The following CDNF variants were observed in gnomAD, a reference collection of about 807,000 sequenced individuals.
CDNF encodes cerebral dopamine neurotrophic factor.
Under a neutral mutation model 14.8 loss-of-function variants are expected in CDNF, and 9 were observed. That is an observed-to-expected ratio of 0.61 (90% CI 0.37 to 1.06). CDNF has a LOEUF of 1.06. Ranked by LOEUF, CDNF falls within the 50% of genes least tolerant of loss-of-function variation. The pLI, the probability that CDNF is intolerant of heterozygous loss-of-function variation, is 0.01. For missense variants in CDNF, 228 were observed against 228.4 expected (o/e 1.00, Z 0.01); for synonymous variants, 86 against 87.2 (o/e 0.99, Z 0.07).
At chr10:14,828,843 TA>T (rs145985696) in intron 1 of CDNF, among the ~76,000 whole-genome samples, 9,584 of 146,054 alleles carry the variant, frequency 0.066, 456 homozygotes, top group South Asian at 0.22. Flanking sequence ...TTGTCTCTAC[TA>T]AAAAAAAAAC....
intron 1 of CDNF, among the ~76,000 whole-genome samples, chr10:14,836,090 C>T (rs1833883484): frequency 6.6e-6 from 1 of 152,108 alleles, no homozygotes; most frequent in Non-Finnish European, 1.5e-5. Flanking sequence ...GCTCAGGAAC[C>T]ATTCAGTTTT....
chr10:14,820,676 T>G (rs550421833), intron 3 of CDNF, among the ~76,000 whole-genome samples: 1 of 152,030 alleles, frequency 6.6e-6, no homozygotes, highest in South Asian at 2.1e-4. Context: ...GAGGTTGCAG[T>G]GAGCCGAGAT....
chr10:14,826,176 CAGCAGAAGCAGA>C (rs146743426), intron 2 of CDNF, among the ~76,000 whole-genome samples: 1 of 131,256 alleles, frequency 7.6e-6, no homozygotes, highest in African/African-American at 3.1e-5. Flanking sequence ...GCAGAAGCAG[CAGCAGAAGCAGA>C]AGCAGCAGAA....
intron 1 of CDNF, among the ~76,000 whole-genome samples, chr10:14,833,596 T>G (rs901751992): frequency 1.3e-5 from 2 of 152,108 alleles, no homozygotes; most frequent in African/African-American, 2.4e-5. Context: ...GAACCTTGAC[T>G]AATATAACAT....
chr10:14,828,386 C>A, intron 1 of CDNF, 114 bp from the exon 2 acceptor site: 2 of 944,768 alleles, frequency 2.1e-6, no homozygotes, highest in Non-Finnish European at 3.2e-6. Context: ...TGGTGGCTTA[C>A]CCCTGTAATC....
intron 3 of CDNF, among the ~76,000 whole-genome samples, chr10:14,823,642 C>T (rs946632799): frequency 2.0e-5 from 3 of 152,172 alleles, no homozygotes; most frequent in Admixed American, 6.5e-5. Flanking sequence ...ATCCTCCCAC[C>T]TCAGTCTCCT....
At chr10:14,832,839 CTT>C (rs1442092577) in intron 1 of CDNF, among the ~76,000 whole-genome samples, 1 of 126,644 alleles carries the variant, frequency 7.9e-6, no homozygotes, top group African/African-American at 2.9e-5. Context: ...GGAATCTAAT[CTT>C]TCTTTTTTTG....
intron 3 of CDNF, among the ~76,000 whole-genome samples, chr10:14,822,727 GAGT>G (rs773662482): frequency 5.9e-5 from 9 of 152,112 alleles, no homozygotes; most frequent in Non-Finnish European, 1.3e-4. Flanking sequence ...TTTTACCTCT[GAGT>G]AGTAGAACAC....
chr10:14,826,092 A>AAGAAGAAGC (rs1833783756), intron 2 of CDNF, among the ~76,000 whole-genome samples: 2 of 110,980 alleles, frequency 1.8e-5, no homozygotes, highest in African/African-American at 3.2e-5. Context: ...GAAGAAGAAG[A>AAGAAGAAGC]AGAAGCAGCA....
chr10:14,822,498 C>T (rs1043297826), intron 3 of CDNF, among the ~76,000 whole-genome samples: 6 of 152,006 alleles, frequency 3.9e-5, no homozygotes, highest in African/African-American at 1.5e-4. Context: ...ATCTCTTGAA[C>T]CCAGGAGGCT....
chr10:14,829,717 C>T (rs973137369), intron 1 of CDNF, among the ~76,000 whole-genome samples: 4 of 152,136 alleles, frequency 2.6e-5, no homozygotes, highest in Admixed American at 2.6e-4. Flanking sequence ...GCAACCTCTG[C>T]CTCCCTGGCT....
chr10:14,830,960 A>G (rs1833839364), intron 1 of CDNF, among the ~76,000 whole-genome samples: 1 of 152,242 alleles, frequency 6.6e-6, no homozygotes, highest in East Asian at 1.9e-4. Flanking sequence ...GTTTCAGATC[A>G]TCCTAGTAGT....
chr10:14,823,628 G>A (rs956128801), intron 3 of CDNF, among the ~76,000 whole-genome samples: 5 of 152,138 alleles, frequency 3.3e-5, no homozygotes, highest in Non-Finnish European at 7.3e-5. Context: ...CCCAGGCTCA[G>A]GTGATCCTCC....
chr10:14,837,779 G>A (rs1239356510), intron 1 of CDNF, 53 bp downstream of exon 1: 2 of 1,132,772 alleles, frequency 1.8e-6, no homozygotes, highest in Middle Eastern at 2.0e-4. Context: ...GCCGACAGCT[G>A]CTGCGCCGCA....
rs373556122 is a variant in CDNF at position 14,825,641 on chromosome 10, T to A, written c.244-21A>T. ...TAGCACTGAAGGAAAATGAAGAGAA[T>A]TGAGTGTTCCAGACAATGAAGACAT... On this transcript the variant is annotated intron_variant, in intron 2 of 3. Transcript: ENST00000465530. 1.9e-6 allele frequency: 3 copies of A among 1,612,058 alleles called. No individual in the cohort carries two copies. In the African/African-American group the frequency reaches 4.0e-5, roughly 22 times the overall value.
rs1833772743 is a variant in CDNF, at chr10:14,825,575, T to A, written c.289A>T (p.Ser97Cys). The change falls in exon 3 of 4, where the codon AGT (serine) becomes TGT (cysteine). Residue 97 changes from serine to cysteine, a missense_variant. Physicochemically the swap from Ser to Cys is moderately radical, Grantham distance 112. Transcript: ENST00000465530. ...ATKDAATKILSEVTRPMSVHM... is the reference protein window; with the variant it reads ...ATKDAATKILCEVTRPMSVHM... ...ACACTCATTGGGCGAGTGACTTCAC[T>A]TAGGATCTTTGTGGCTGCGTCTTTT... The A allele has an allele frequency of 6.2e-7, 1 of 1,613,942 alleles. No homozygotes were observed. Among genetic ancestry groups the A allele is most frequent in the African/African-American group, 1.3e-5 (1 of 74,902 alleles).
chr10:14,828,046 G>T, intron 2 of CDNF, 99 bp downstream of exon 2: 1 of 1,213,118 alleles, frequency 8.2e-7, no homozygotes, highest in Non-Finnish European at 1.2e-6. Flanking sequence ...ACATACTTGA[G>T]GCAAACATGT....
Position 14,819,930 on chromosome 10 carries a change from G to C in CDNF, c.*50C>G, listed in dbSNP as rs1833722981. 1 of 1,541,600 alleles carries C rather than the reference G, an allele frequency of 6.5e-7. No individual in the cohort carries two copies. Among genetic ancestry groups the C allele is most frequent in the Non-Finnish European group, 8.9e-7 (1 of 1,127,518 alleles). The stretch of plus-strand genomic sequence containing the variant: ...TTAATCAACATGTCCATATCCTAGA[G>C]AGTCACTTTTCTCTCTAATTACAAG... On this transcript the variant is annotated 3_prime_UTR_variant, in exon 4 of 4. Transcript: ENST00000465530.
intron 1 of CDNF, among the ~76,000 whole-genome samples, chr10:14,836,556 G>A (rs1427345340): frequency 4.6e-5 from 7 of 152,144 alleles, no homozygotes; most frequent in African/African-American, 1.4e-4. Flanking sequence ...TCTTTATATC[G>A]AGTAATAACA....
Sources: gnomAD v4.1 joint callset for allele counts (sites outside exome capture counted in the v4.1 genomes callset) on GRCh38, gnomAD v4.1.1 for gene constraint, MANE v1.5 for transcripts, NCBI Gene and HGNC (gene_info 2026-07-23, HGNC 2026-07-21) for gene names.